Variants in CLNK observed in about 807,000 individuals in gnomAD.
The protein encoded by CLNK is cytokine-dependent hematopoietic cell linker.
A neutral mutation model predicts 68.6 loss-of-function variants in CLNK; 74 were observed. The ratio of observed to expected loss-of-function variants is 1.08; its 90% confidence interval spans 0.89 to 1.31. The LOEUF is 1.31. Ranked by LOEUF, CLNK falls within the 50% of genes most tolerant of loss-of-function variation. CLNK has a pLI of 0.00. For missense variants in CLNK, 553 were observed against 515.3 expected (o/e 1.07, Z -0.71); for synonymous variants, 198 against 172.2 (o/e 1.15, Z -1.17).
intron 3 of CLNK, among the ~76,000 whole-genome samples, chr4:10,587,396 C>G (rs192735051): frequency 6.6e-6 from 1 of 152,342 alleles, no homozygotes; most frequent in East Asian, 1.9e-4. Context: ...CCCGAGGATG[C>G]TACTTCGGTG....
intron 7 of CLNK, 90 bp from the exon 8 acceptor site, chr4:10,558,542 G>T: frequency 7.9e-7 from 1 of 1,258,262 alleles, no homozygotes; most frequent in Non-Finnish European, 1.2e-6. Context: ...AGGTTCCCAA[G>T]GATAAAGCCG....
At chr4:10,731,610 A>G in the CLNK span, among the ~76,000 whole-genome samples, 1 of 152,212 alleles carries the variant, frequency 6.6e-6, no homozygotes, top group Admixed American at 6.5e-5. Flanking sequence ...ACTCATGTTG[A>G]ATGTTTCTAA....
chr4:10,623,415 C>T (rs904032903), intron 2 of CLNK, among the ~76,000 whole-genome samples: 5 of 152,292 alleles, frequency 3.3e-5, no homozygotes, highest in South Asian at 2.1e-4. Flanking sequence ...TAATACAATA[C>T]GGTGGCCAGA....
chr4:10,606,412 A>C (rs1721794157), intron 2 of CLNK, among the ~76,000 whole-genome samples: 1 of 151,988 alleles, frequency 6.6e-6, no homozygotes, highest in South Asian at 2.1e-4. Context: ...AACCTGCCTG[A>C]GGTTGTTTTA....
chr4:10,504,442 A>G (rs1717203346), intron 17 of CLNK, among the ~76,000 whole-genome samples: 1 of 152,166 alleles, frequency 6.6e-6, no homozygotes, highest in African/African-American at 2.4e-5. Flanking sequence ...GGTTCTTTAC[A>G]TAAATATTGT....
At chr4:10,556,625 C>T (rs1271428550) in intron 8 of CLNK, among the ~76,000 whole-genome samples, 1 of 152,142 alleles carries the variant, frequency 6.6e-6, no homozygotes, top group African/African-American at 2.4e-5. Context: ...TCATGAGTGC[C>T]TACAAAGCAT....
intron 5 of CLNK, among the ~76,000 whole-genome samples, chr4:10,570,384 A>G (rs1374391290): frequency 6.6e-6 from 1 of 152,176 alleles, no homozygotes; most frequent in East Asian, 1.9e-4. Flanking sequence ...GTTTTGGTGT[A>G]CTTCTTTAGA....
At chr4:10,638,317 C>A (rs1723176126) in intron 2 of CLNK, among the ~76,000 whole-genome samples, 1 of 152,160 alleles carries the variant, frequency 6.6e-6, no homozygotes, top group South Asian at 2.1e-4. Flanking sequence ...CATCCAGATG[C>A]TTTTGAGAGT....
intron 1 of CLNK, among the ~76,000 whole-genome samples, chr4:10,680,674 C>T (rs893897884): frequency 1.3e-5 from 2 of 152,102 alleles, no homozygotes; most frequent in African/African-American, 4.8e-5. Flanking sequence ...CCATGATATG[C>T]ATTTTTATGT....
At chr4:10,658,697 C>T (rs1442119904) in intron 2 of CLNK, among the ~76,000 whole-genome samples, 1 of 152,178 alleles carries the variant, frequency 6.6e-6, no homozygotes, top group Non-Finnish European at 1.5e-5. Context: ...CTTCTAAAGG[C>T]AGGAAGCAGA....
intron 8 of CLNK, among the ~76,000 whole-genome samples, chr4:10,552,925 T>C (rs1719517756): frequency 6.6e-6 from 1 of 152,166 alleles, no homozygotes; most frequent in South Asian, 2.1e-4. Flanking sequence ...ACCAATTTCA[T>C]GTTTATTATT....
intron 2 of CLNK, among the ~76,000 whole-genome samples, chr4:10,599,726 A>G (rs544907552): frequency 1.3e-5 from 2 of 151,724 alleles, no homozygotes; most frequent in Admixed American, 1.3e-4. Flanking sequence ...TATCATTGAC[A>G]TCATCCGAAT....
At chr4:10,556,851 G>T (rs893950283) in intron 8 of CLNK, among the ~76,000 whole-genome samples, 8 of 152,114 alleles carry the variant, frequency 5.3e-5, no homozygotes, top group Non-Finnish European at 1.0e-4. Context: ...GCCGAGGTGG[G>T]CAGATCACGA....
intron 16 of CLNK, among the ~76,000 whole-genome samples, chr4:10,513,057 C>T (rs16869379): frequency 0.64 from 97,538 of 151,860 alleles, 31,599 homozygotes; most frequent in East Asian, 0.81. Flanking sequence ...AACTAATGGT[C>T]GCTGGACTGT....
At chr4:10,492,797 A>T (rs1397599011) in intron 18 of CLNK, among the ~76,000 whole-genome samples, 2 of 152,242 alleles carry the variant, frequency 1.3e-5, no homozygotes, top group East Asian at 3.9e-4. Context: ...GAATGTCTTG[A>T]TGTTAACTAG....
At chr4:10,699,248 A>ACACACACC in the CLNK span, among the ~76,000 whole-genome samples, 1 of 120,334 alleles carries the variant, frequency 8.3e-6, no homozygotes, top group African/African-American at 3.0e-5. Context: ...ACACATACAC[A>ACACACACC]CCACGTATGT....
At chr4:10,699,494 C>CTCTCTCTCTCTATA in the CLNK span, among the ~76,000 whole-genome samples, 38 of 56,972 alleles carry the variant, frequency 6.7e-4, no homozygotes, top group East Asian at 1.6e-3. Flanking sequence ...CTCTCTCTCT[C>CTCTCTCTCTCTATA]TATATATATA....
At chr4:10,573,514 T>C (rs1365668378) in intron 4 of CLNK, among the ~76,000 whole-genome samples, 5 of 152,150 alleles carry the variant, frequency 3.3e-5, no homozygotes, top group Non-Finnish European at 7.3e-5. Context: ...TCCAGCCCTT[T>C]AGAGCAGCAA....
intron 2 of CLNK, among the ~76,000 whole-genome samples, chr4:10,648,695 A>T (rs1723613693): frequency 6.6e-6 from 1 of 152,144 alleles, no homozygotes; most frequent in Non-Finnish European, 1.5e-5. Flanking sequence ...GTGGAGAGAA[A>T]ATGAGGGCTC....
Sources: gnomAD v4.1 joint callset for allele counts (sites outside exome capture counted in the v4.1 genomes callset) on GRCh38, gnomAD v4.1.1 for gene constraint, MANE v1.5 for transcripts, NCBI Gene and HGNC (gene_info 2026-07-23, HGNC 2026-07-21) for gene names.